MCM9: variants seen among roughly 807,000 people sequenced by gnomAD.
MCM9 encodes minichromosome maintenance 9 homologous recombination repair factor, also known as DNA helicase MCM9.
A neutral mutation model predicts 72.8 loss-of-function variants in MCM9; 55 were observed. The observed-to-expected ratio is 0.76, with a 90% CI of 0.61 to 0.95. The LOEUF is 0.95. Ranked by LOEUF, MCM9 falls within the 40% of genes least tolerant of loss-of-function variation. The pLI, the probability that MCM9 is intolerant of heterozygous loss-of-function variation, is 0.00. For missense variants in MCM9, 1,279 were observed against 1,377.0 expected (o/e 0.93, Z 1.13); for synonymous variants, 480 against 503.4 (o/e 0.95, Z 0.62).
At chr6:118,852,131 T>A (rs770019937) in intron 9 of MCM9, among the ~76,000 whole-genome samples, 1 of 152,150 alleles carries the variant, frequency 6.6e-6, no homozygotes, top group African/African-American at 2.4e-5. Context: ...CTGAATACCA[T>A]AGGCAACTGT....
chr6:118,849,265 A>G (rs1205154531), intron 9 of MCM9, among the ~76,000 whole-genome samples: 1 of 151,908 alleles, frequency 6.6e-6, no homozygotes, highest in Non-Finnish European at 1.5e-5. Flanking sequence ...AAAGGCCACA[A>G]CAACTACCTT....
intron 8 of MCM9, chr6:118,907,853 CATAT>C (rs1278925808): frequency 2.6e-6 from 1 of 388,180 alleles, no homozygotes; most frequent in Admixed American, 4.1e-5. Context: ...CTGATTAAAG[CATAT>C]ATATTATTTT....
intron 3 of MCM9, among the ~76,000 whole-genome samples, chr6:118,928,817 T>G (rs1479639595): frequency 1.3e-5 from 2 of 150,800 alleles, no homozygotes; most frequent in Non-Finnish European, 2.9e-5. Flanking sequence ...GTTGTGCAAC[T>G]GCATTCCAGC....
intron 3 of MCM9, among the ~76,000 whole-genome samples, chr6:118,925,987 G>A (rs772547626): frequency 6.6e-6 from 1 of 152,002 alleles, no homozygotes; most frequent in Non-Finnish European, 1.5e-5. Flanking sequence ...ACAATTCAGT[G>A]GTAATTAGTA....
chr6:118,868,601 C>A (rs936682889), intron 8 of MCM9, among the ~76,000 whole-genome samples: 1 of 152,090 alleles, frequency 6.6e-6, no homozygotes, highest in Non-Finnish European at 1.5e-5. Context: ...AAAAAGCGGG[C>A]AAAGGATATG....
intron 8 of MCM9, among the ~76,000 whole-genome samples, chr6:118,889,210 C>T (rs1778793553): frequency 6.6e-6 from 1 of 152,188 alleles, no homozygotes; most frequent in South Asian, 2.1e-4. Context: ...CAAATTTCTA[C>T]CAATTAATTA....
At chr6:118,873,690 C>T (rs1777757968) in intron 8 of MCM9, among the ~76,000 whole-genome samples, 1 of 152,098 alleles carries the variant, frequency 6.6e-6, no homozygotes, top group Non-Finnish European at 1.5e-5. Flanking sequence ...GTAAATTTTA[C>T]CAAATATTTA....
At chr6:118,818,072 A>C (rs565329928) in intron 13 of MCM9, among the ~76,000 whole-genome samples, 69 of 152,138 alleles carry the variant, frequency 4.5e-4, no homozygotes, top group African/African-American at 1.6e-3. Flanking sequence ...CTCACATTCT[A>C]TAAGTTGCCT....
At chr6:118,833,223 G>A (rs1290986609) in intron 9 of MCM9, among the ~76,000 whole-genome samples, 3 of 152,130 alleles carry the variant, frequency 2.0e-5, no homozygotes, top group African/African-American at 2.4e-5. Context: ...TTGCAGGCAC[G>A]TGGTGAGCAC....
intron 8 of MCM9, among the ~76,000 whole-genome samples, chr6:118,868,850 C>T (rs1777393201): frequency 6.6e-6 from 1 of 152,174 alleles, no homozygotes; most frequent in Non-Finnish European, 1.5e-5. Flanking sequence ...TTGTGGAAGA[C>T]AGTGTGGTGA....
intron 3 of MCM9, among the ~76,000 whole-genome samples, chr6:118,928,380 C>T (rs983418580): frequency 3.3e-5 from 5 of 151,944 alleles, no homozygotes; most frequent in Middle Eastern, 3.2e-3. Context: ...CTGTGCACTC[C>T]GGCTTGGGAA....
At chr6:118,908,813 CA>C (rs1216626842) in intron 8 of MCM9, 2 of 152,546 alleles carry the variant, frequency 1.3e-5, no homozygotes, top group Non-Finnish European at 2.9e-5. Context: ...CTAAGCAAGA[CA>C]GCCATATGAT....
chr6:118,924,971 G>C (rs1292597661), intron 3 of MCM9, among the ~76,000 whole-genome samples: 1 of 151,984 alleles, frequency 6.6e-6, no homozygotes, highest in Admixed American at 6.6e-5. Context: ...CTTGAGCCCA[G>C]GGGGTCAAGG....
intron 13 of MCM9, among the ~76,000 whole-genome samples, chr6:118,820,826 T>C (rs577816223): frequency 1.8e-4 from 27 of 152,300 alleles, no homozygotes; most frequent in Non-Finnish European, 2.9e-4. Context: ...TGCATATATA[T>C]TTAGGATAGT....
rs1473802350 is a variant in MCM9, at chr6:118,931,570, T to C, written c.154A>G (p.Met52Val). 1.9e-6 allele frequency: 3 copies of C among 1,614,172 alleles called. No homozygotes were observed. Among genetic ancestry groups the C allele is most frequent in the East Asian group, 4.5e-5 (2 of 44,878 alleles). Residue 52 changes from methionine to valine, a missense_variant, in exon 3 of 14, where the codon ATG (methionine) becomes GTG (valine). Physicochemically the swap from Met to Val is conservative, Grantham distance 21. Coordinates refer to ENST00000619706, the MANE Select transcript of MCM9 (RefSeq NM_017696.3). ...VNAMTLFETN[M>V]EIGEYFNMFP... is the part of the protein sequence containing the mutation. ...ATGTTGAAATATTCCCCGATTTCCATGTTGGTCTCAAACAGAGTCATGGCA... is the reference window on the plus strand; with the variant it reads ...ATGTTGAAATATTCCCCGATTTCCACGTTGGTCTCAAACAGAGTCATGGCA...
intron 8 of MCM9, among the ~76,000 whole-genome samples, chr6:118,869,111 G>C (rs1316915434): frequency 6.6e-6 from 1 of 152,190 alleles, no homozygotes; most frequent in African/African-American, 2.4e-5. Context: ...CACGTCCTTT[G>C]CAGGGACATG....
At chr6:118,934,244 T>C (rs1325993705) in intron 1 of MCM9, 1 of 152,234 alleles carries the variant, frequency 6.6e-6, no homozygotes, top group Non-Finnish European at 1.5e-5. Context: ...TATCAGCAGT[T>C]TGCTAAATCA....
intron 8 of MCM9, chr6:118,911,428 T>C (rs1780537949): frequency 1.6e-6 from 2 of 1,261,350 alleles, no homozygotes; most frequent in African/African-American, 1.5e-5. Flanking sequence ...AATGAGAAAA[T>C]TGAATAGGAT....
intron 8 of MCM9, among the ~76,000 whole-genome samples, chr6:118,872,133 C>G (rs1183700374): frequency 1.3e-5 from 2 of 151,846 alleles, no homozygotes; most frequent in Non-Finnish European, 2.9e-5. Context: ...CTGGCTAACA[C>G]GGTGAAACCC....
Sources: allele counts gnomAD v4.1 joint callset (sites outside exome capture counted in the v4.1 genomes callset), GRCh38; gene constraint gnomAD v4.1.1; transcripts MANE v1.5; gene names NCBI Gene and HGNC (gene_info 2026-07-23, HGNC 2026-07-21).